DPP6: variants seen among roughly 807,000 people sequenced by gnomAD.
DPP6 encodes the protein dipeptidyl peptidase like 6.
In DPP6, 69 loss-of-function variants were observed where a neutral mutation model predicts 122.6. That is an observed-to-expected ratio of 0.56 (90% CI 0.46 to 0.69). DPP6 has a LOEUF of 0.69. Among genes scored for constraint, DPP6 ranks in the 30% least tolerant of loss-of-function variants. The pLI is 0.00. For synonymous variants in DPP6, 418 were observed against 433.1 expected, an observed-to-expected ratio of 0.97 and a Z score of 0.43; for missense variants, 928 against 1,116.9, an observed-to-expected ratio of 0.83 and a Z score of 2.41.
chr7:154,654,227 C>T (rs1044091771), intron 6 of DPP6, among the ~76,000 whole-genome samples: 1 of 151,894 alleles, frequency 6.6e-6, no homozygotes, highest in African/African-American at 2.4e-5. Flanking sequence ...GTCCCGGAAC[C>T]AATCTTCCAT....
At chr7:154,360,919 G>A (rs553959990) in intron 1 of DPP6, among the ~76,000 whole-genome samples, 1 of 152,138 alleles carries the variant, frequency 6.6e-6, no homozygotes, top group Non-Finnish European at 1.5e-5. Context: ...GATTCCGGGG[G>A]CTAATGGCCT....
the DPP6 span, among the ~76,000 whole-genome samples, chr7:153,841,932 G>C: frequency 1.3e-5 from 2 of 152,234 alleles, no homozygotes; most frequent in South Asian, 2.1e-4. Context: ...GTCATTCTTC[G>C]TTTCTAACTA....
At chr7:153,791,127 A>T in the DPP6 span, among the ~76,000 whole-genome samples, 5 of 152,172 alleles carry the variant, frequency 3.3e-5, no homozygotes, top group Admixed American at 2.6e-4. Context: ...TTGGGAAATT[A>T]TATGTGTTTT....
chr7:154,569,441 A>G lies in DPP6; in HGVS notation c.627+2525A>G, dbSNP rs187983789. ...GTTTCTTGAAGTTCCTGATATTCTC[A>G]TGTTGGTTACATAGTACTTCCCAAG... On this transcript the variant is annotated intron_variant, in intron 5 of 25. Coordinates refer to ENST00000377770, the MANE Select transcript of DPP6 (RefSeq NM_130797.4). Among the ~76,000 whole-genome samples the G allele has an allele frequency of 1.4e-3, 211 of 152,130 alleles. 1 individual carries two copies. Among genetic ancestry groups the G allele is most frequent in the Non-Finnish European group, 2.4e-3 (161 of 68,016 alleles).
At chr7:154,061,409 G>A (rs1447513326) in intron 1 of DPP6, among the ~76,000 whole-genome samples, 1 of 146,850 alleles carries the variant, frequency 6.8e-6, no homozygotes, top group Non-Finnish European at 1.5e-5. Context: ...TGGGGCCCTG[G>A]CTGAGGCCGG....
At chr7:154,329,903 T>G (rs1156442502) in intron 1 of DPP6, among the ~76,000 whole-genome samples, 1 of 152,176 alleles carries the variant, frequency 6.6e-6, no homozygotes, top group African/African-American at 2.4e-5. Flanking sequence ...CTGGAAACCA[T>G]CATTCTCAGC....
At chr7:154,366,432 T>C (rs1048808290) in intron 1 of DPP6, among the ~76,000 whole-genome samples, 1 of 152,194 alleles carries the variant, frequency 6.6e-6, no homozygotes, top group African/African-American at 2.4e-5. Context: ...TGGATGATGT[T>C]ACATATGTTG....
chr7:154,794,405 G>T (rs1219756174), intron 11 of DPP6, among the ~76,000 whole-genome samples: 2 of 152,202 alleles, frequency 1.3e-5, no homozygotes, highest in African/African-American at 4.8e-5. Flanking sequence ...CCGCAGACCC[G>T]ACCGAACCCA....
At position 154,872,619 on chromosome 7, in the gene DPP6, C is replaced by T. The variant is rs1181324690; in HGVS notation, c.1814-5C>T. The T allele has an allele frequency of 6.3e-7, 1 of 1,597,304 alleles. No homozygotes were observed. Among genetic ancestry groups the T allele is most frequent in the Middle Eastern group, 1.7e-4 (1 of 6,050 alleles). On this transcript the variant is annotated splice_polypyrimidine_tract_variant and splice_region_variant and intron_variant, in intron 18 of 25. Transcript: ENST00000377770. ...TAACCCGTGCTGTGCTCTGCTTCTC[C>T]CCAGACCTGCCCATGCAGATACTGA...
chr7:154,871,693 T>C (rs1177780692), intron 18 of DPP6, among the ~76,000 whole-genome samples: 1 of 152,152 alleles, frequency 6.6e-6, no homozygotes, highest in Non-Finnish European at 1.5e-5. Flanking sequence ...TTGCAAGCCA[T>C]TAACATTCAG....
At chr7:154,841,866 CA>C (rs1801575642) in intron 16 of DPP6, among the ~76,000 whole-genome samples, 2 of 152,096 alleles carry the variant, frequency 1.3e-5, no homozygotes. Context: ...TGCTGTGGGG[CA>C]CGGAGTGGAG....
At chr7:153,977,733 T>A (rs1383094113) in intron 1 of DPP6, among the ~76,000 whole-genome samples, 1 of 151,266 alleles carries the variant, frequency 6.6e-6, no homozygotes, top group Non-Finnish European at 1.5e-5. Flanking sequence ...CAGACCCCAG[T>A]GTGTGATGTT....
intron 4 of DPP6, among the ~76,000 whole-genome samples, chr7:154,552,882 ACTT>A (rs1170616153): frequency 6.6e-6 from 1 of 152,194 alleles, no homozygotes; most frequent in Non-Finnish European, 1.5e-5. Flanking sequence ...AATTAGTAAA[ACTT>A]CTTGATTCAG....
At chr7:154,616,548 C>G (rs959800960) in intron 5 of DPP6, among the ~76,000 whole-genome samples, 1 of 152,062 alleles carries the variant, frequency 6.6e-6, no homozygotes, top group Non-Finnish European at 1.5e-5. Flanking sequence ...TATGGGAGAC[C>G]ATAGGCATAG....
Position 154,821,912 on chromosome 7 carries a change from C to G in DPP6, c.1666+14800C>G, listed in dbSNP as rs2873199. On this transcript the variant is annotated intron_variant, in intron 16 of 25. Coordinates refer to ENST00000377770, the MANE Select transcript of DPP6 (RefSeq NM_130797.4). This position sits in a 1 kb window ranked among gnomAD's most constrained non-coding sequence, Gnocchi z 4.2. ...CATCCTCCAGGAAATTCACAGTAAG[C>G]CTTTGCAGACCCACAGCGGTGCTTC... Among the ~76,000 whole-genome samples, 119,183 of 151,470 alleles carry G rather than the reference C, an allele frequency of 0.79. 47,129 individuals carry two copies. The highest frequency in any genetic ancestry group is 0.84 in the Non-Finnish European group (56,756 of 67,814).
At chr7:153,953,015 G>A (rs1007763696) in intron 1 of DPP6, among the ~76,000 whole-genome samples, 1 of 152,086 alleles carries the variant, frequency 6.6e-6, no homozygotes, top group Non-Finnish European at 1.5e-5. Flanking sequence ...ATCTTATAAT[G>A]TGGCAGAGGG....
chr7:154,659,095 G>A (rs961820609), intron 6 of DPP6, among the ~76,000 whole-genome samples: 20 of 152,186 alleles, frequency 1.3e-4, no homozygotes, highest in African/African-American at 4.8e-4. Flanking sequence ...CTTTTAACTT[G>A]AAAGGAAAAG....
chr7:154,322,495 G>A (rs943537098), intron 1 of DPP6, among the ~76,000 whole-genome samples: 25 of 152,212 alleles, frequency 1.6e-4, no homozygotes, highest in African/African-American at 5.8e-4. Context: ...TCTGTGCCAT[G>A]GAGAGACTCG....
chr7:153,824,921 T>C, the DPP6 span, among the ~76,000 whole-genome samples: 2 of 152,170 alleles, frequency 1.3e-5, no homozygotes, highest in African/African-American at 4.8e-5. Context: ...TTCTCCAGTG[T>C]GCCTGAGTTC....
Sources: gnomAD v4.1 joint callset for allele counts (sites outside exome capture counted in the v4.1 genomes callset) on GRCh38, gnomAD v4.1.1 for gene constraint, Gnocchi (gnomAD v3.1) non-coding constraint, MANE v1.5 for transcripts, NCBI Gene and HGNC (gene_info 2026-07-23, HGNC 2026-07-21) for gene names.